ANO7: variants seen among roughly 807,000 people sequenced by gnomAD.
ANO7 encodes the protein anoctamin-7.
ANO7 carries 114 observed loss-of-function variants against 115.8 expected under a neutral mutation model. The ratio of observed to expected loss-of-function variants is 0.98; its 90% CI spans 0.85 to 1.15. The LOEUF (loss-of-function observed/expected upper bound fraction) is 1.15, where lower values mean the gene tolerates loss of function less well. Ranked by LOEUF, ANO7 falls within the 50% of genes most tolerant of loss-of-function variation. ANO7 has a pLI of 0.00. For missense variants in ANO7, 1,302 were observed against 1,201.2 expected (o/e 1.08, Z -1.24); for synonymous variants, 550 against 498.2 (o/e 1.10, Z -1.38).
chr2:241,199,816 G>A (rs1374900208), intron 5 of ANO7, among the ~76,000 whole-genome samples: 2 of 152,326 alleles, frequency 1.3e-5, no homozygotes, highest in South Asian at 2.1e-4. Context: ...CCCTCACTGC[G>A]TGCGGGTGGG....
chr2:241,235,984 G>C, the ANO7 span: 1 of 210,862 alleles, frequency 4.7e-6, no homozygotes, highest in Non-Finnish European at 9.5e-6. Context: ...CTTGGGATCA[G>C]GACGGCTTTG....
intron 11 of ANO7, 61 bp from the exon 12 acceptor site, chr2:241,209,224 T>C (rs1244845118): frequency 6.7e-7 from 1 of 1,500,134 alleles, no homozygotes; most frequent in Non-Finnish European, 8.9e-7. Context: ...GAAGGAACAC[T>C]GGAAGGAACA....
rs2149283113 is a variant in ANO7 at position 241,224,597 on chromosome 2, A to C, written c.*444A>C. ...GTTCTCCCTCGTGTCCTCTGGACCC[A>C]CCCGCCCCTTCCTGCCCTGTTTGCG... On this transcript the variant is annotated 3_prime_UTR_variant, in exon 25 of 25. Coordinates refer to ENST00000674324, the MANE Select transcript of ANO7 (RefSeq NM_001370694.2). The C allele has an allele frequency of 5.7e-6, 1 of 174,932 alleles. No homozygotes were observed. The highest frequency in any genetic ancestry group is 5.6e-5 in the Admixed American group (1 of 17,992). 10.8% of individuals were successfully genotyped at this position (174,932 alleles called of 1,614,324 possible).
Position 241,191,283 on chromosome 2 carries a change from G to C in ANO7, c.166+32G>C, listed in dbSNP as rs377248642. Reference sequence around the variant, plus strand: ...CCCTCCCAGCACCTGTACCACACCCGTGTTGGTCCTGAGGGTGGGGACACC... The same window carrying C: ...CCCTCCCAGCACCTGTACCACACCCCTGTTGGTCCTGAGGGTGGGGACACC... On this transcript the variant is annotated intron_variant, in intron 3 of 24. Transcript: ENST00000674324. 4.5e-5 allele frequency: 73 copies of C among 1,611,498 alleles called. No homozygotes were observed. The African/African-American group carries it at 8.7e-4, about 19-fold the overall frequency.
chr2:241,190,074 G>C lies in ANO7; in HGVS notation c.11G>C (p.Arg4Pro). The change falls in exon 2 of 25, where the codon CGA becomes CCA. Residue 4 changes from arginine to proline, a missense_variant. Transcript: ENST00000674324. ...GGGTGCAGGAGCAGGATGCTGCGGCGACGGGCCCAGGAAGAGGACAGCACC... is the reference window on the plus strand; with the variant it reads ...GGGTGCAGGAGCAGGATGCTGCGGCCACGGGCCCAGGAAGAGGACAGCACC... MLR[R>P]RAQEEDSTVL... The C allele has an allele frequency of 6.3e-7, 1 of 1,577,068 alleles. No individual in the cohort carries two copies. The highest frequency in any genetic ancestry group is 8.6e-7 in the Non-Finnish European group (1 of 1,161,760).
intron 6 of ANO7, 125 bp downstream of exon 6, chr2:241,200,350 G>A: frequency 1.5e-6 from 2 of 1,299,676 alleles, no homozygotes; most frequent in Admixed American, 2.6e-5. Context: ...GGGAATCTGA[G>A]GCCAGGTGCG....
At chr2:241,200,304 C>T in intron 6 of ANO7, 79 bp downstream of exon 6, 4 of 1,541,904 alleles carry the variant, frequency 2.6e-6, no homozygotes, top group African/African-American at 2.7e-5. Context: ...GAACTTGGTG[C>T]TTCCCCAGGA....
chr2:241,231,741 T>C, the ANO7 span, among the ~76,000 whole-genome samples: 1 of 152,000 alleles, frequency 6.6e-6, no homozygotes, highest in Non-Finnish European at 1.5e-5. Flanking sequence ...GGAGACACCA[T>C]ACCAGACTTG....
At chr2:241,216,297 A>G (rs1266283528) in intron 19 of ANO7, 59 bp downstream of exon 19, 4 of 1,490,204 alleles carry the variant, frequency 2.7e-6, no homozygotes, top group Non-Finnish European at 3.6e-6. Flanking sequence ...ATGGGTGGCC[A>G]CTCTGCTCAA....
downstream of ANO7, chr2:241,229,707 G>T: frequency 6.2e-7 from 1 of 1,613,082 alleles, no homozygotes; most frequent in Non-Finnish European, 8.5e-7. Flanking sequence ...GAGAGGACAC[G>T]GCTTCAGGAG....
intron 11 of ANO7, 67 bp from the exon 12 acceptor site, chr2:241,209,218 G>A: frequency 6.8e-7 from 1 of 1,480,202 alleles, no homozygotes; most frequent in Non-Finnish European, 9.0e-7. Flanking sequence ...CAGGAGGAAG[G>A]AACACTGGAA....
intron 4 of ANO7, among the ~76,000 whole-genome samples, chr2:241,198,247 C>A (rs570598698): frequency 6.6e-6 from 1 of 152,298 alleles, no homozygotes; most frequent in Admixed American, 6.5e-5. Flanking sequence ...CCCAGGGTGC[C>A]CCTCCCTGCC....
At chr2:241,228,487 G>T (rs1226491891), downstream of ANO7, 1 of 152,430 alleles carries the variant, frequency 6.6e-6, no homozygotes, top group Non-Finnish European at 1.5e-5. Flanking sequence ...CCTGTGGGCG[G>T]GGTGGAAGTG....
At position 241,217,724 on chromosome 2, in the gene ANO7, T is replaced by C; in HGVS notation, c.2011T>C (p.Cys671Arg). Residue 671 changes from cysteine to arginine, a missense_variant, in exon 20 of 25, where the codon TGT becomes CGT. Cys to Arg is a radical substitution (Grantham distance 180). Coordinates refer to ENST00000674324, the MANE Select transcript of ANO7 (RefSeq NM_001370694.2). ...CTTCGTCACCATCTTCGTGGCCGCCTGTCCGCTCGCGCCGCTCTTCGCCCT... is the reference window on the plus strand; with the variant it reads ...CTTCGTCACCATCTTCGTGGCCGCCCGTCCGCTCGCGCCGCTCTTCGCCCT... Reference protein sequence around the residue: ...FGFVTIFVAACPLAPLFALLN... With the variant: ...FGFVTIFVAARPLAPLFALLN... The C allele has an allele frequency of 6.2e-7, 1 of 1,600,200 alleles. No homozygotes were observed. The highest frequency in any genetic ancestry group is 1.1e-5 in the South Asian group (1 of 89,182).
At chr2:241,220,294 C>T (rs1019771785) in intron 21 of ANO7, among the ~76,000 whole-genome samples, 2 of 152,154 alleles carry the variant, frequency 1.3e-5, no homozygotes, top group Non-Finnish European at 2.9e-5. Flanking sequence ...CATTTTTGTC[C>T]TTCAAATAGC....
intron 22 of ANO7, 135 bp from the exon 23 acceptor site, chr2:241,223,527 G>C (rs1206527319): frequency 1.4e-6 from 2 of 1,398,866 alleles, no homozygotes; most frequent in Admixed American, 2.1e-5. Flanking sequence ...GCCCCTTCTG[G>C]GGTTCCTTTT....
rs1037600978 is a variant in ANO7 at position 241,203,195 on chromosome 2, C to T, written c.724-138C>T. 1 of 582,864 alleles carries T rather than the reference C, an allele frequency of 1.7e-6. No homozygotes were observed. Among genetic ancestry groups the T allele is most frequent in the Non-Finnish European group, 2.8e-6 (1 of 353,014 alleles). 36.1% of individuals were successfully genotyped at this position (582,864 alleles called of 1,614,324 possible). ...ACCCTGTACCCACCCCTCCACATTA[C>T]TCTATTTTTTCTTCATGGAGCAATC... is the stretch of plus-strand genomic sequence containing the variant. On this transcript the variant is annotated intron_variant, in intron 8 of 24. Coordinates refer to ENST00000674324, the MANE Select transcript of ANO7 (RefSeq NM_001370694.2). This position sits in a 1 kb window ranked among gnomAD's most constrained non-coding sequence, Gnocchi z 4.8.
rs142236873 is a variant in ANO7, at chr2:241,195,815, T to C, written c.279T>C (p.Asn93=). The stretch of plus-strand genomic sequence containing the variant: ...CCTGGCGGGAGACTTTTCTGGATAA[T>C]CTTCGTGCGGCTGGGCTGTGTGTAG... ...HRTWRETFLD[N]LRAAGLCVDQ... The change falls in exon 4 of 25, where the codon AAT becomes AAC. Residue 93 remains asparagine, a synonymous_variant. Coordinates refer to ENST00000674324, the MANE Select transcript of ANO7 (RefSeq NM_001370694.2). 4 of 1,614,190 alleles carry C rather than the reference T, an allele frequency of 2.5e-6. No homozygotes were observed. Among genetic ancestry groups the C allele is most frequent in the Non-Finnish European group, 8.5e-7 (1 of 1,180,024 alleles).
At chr2:241,239,922 C>T in the ANO7 span, 1 of 1,614,192 alleles carries the variant, frequency 6.2e-7, no homozygotes, top group Non-Finnish European at 8.5e-7. This position sits in a 1 kb window ranked among gnomAD's most constrained non-coding sequence, Gnocchi z 4.6. Flanking sequence ...TCAAGGCCTC[C>T]AGCTCCTTCT....
Sources: allele counts gnomAD v4.1 joint callset (sites outside exome capture counted in the v4.1 genomes callset), GRCh38; gene constraint gnomAD v4.1.1; non-coding constraint Gnocchi (gnomAD v3.1); transcripts MANE v1.5; gene names NCBI Gene and HGNC (gene_info 2026-07-23, HGNC 2026-07-21).